USP49: variants seen among roughly 807,000 people sequenced by gnomAD.
USP49 encodes the protein ubiquitin carboxyl-terminal hydrolase 49.
In USP49, 24 loss-of-function variants were observed where a neutral mutation model predicts 58.6. The ratio of observed to expected loss-of-function variants is 0.41; its 90% CI spans 0.30 to 0.58. The LOEUF is 0.58. Among genes scored for constraint, USP49 ranks in the 20% least tolerant of loss-of-function variants. USP49 has a pLI of 0.30. For missense variants in USP49, 703 were observed against 866.1 expected (o/e 0.81, Z 2.36); for synonymous variants, 408 against 365.1 (o/e 1.12, Z -1.34).
Position 41,890,304 on chromosome 6 carries a change from G to C in USP49, c.-103+1490C>G, listed in dbSNP as rs565478286. The stretch of plus-strand genomic sequence containing the variant: ...TGAGGCAGGAGAATCGCTTGAACCT[G>C]GGAGGCGGAGGTTGTAGTGAGCCAA... On this transcript the variant is annotated intron_variant, in intron 2 of 7. Transcript: ENST00000682992. 3.9e-5 allele frequency among the ~76,000 whole-genome samples: 6 copies of C among 151,950 alleles called. No homozygotes were observed. The South Asian group carries it at 8.3e-4, about 21-fold the overall frequency.
intron 3 of USP49, among the ~76,000 whole-genome samples, chr6:41,835,404 A>G (rs1418449685): frequency 1.3e-5 from 2 of 152,186 alleles, no homozygotes; most frequent in African/African-American, 4.8e-5. Context: ...AAGTAAACAC[A>G]ACTGTTATTT....
At chr6:41,840,122 C>T (rs1773797705) in intron 3 of USP49, among the ~76,000 whole-genome samples, 2 of 151,496 alleles carry the variant, frequency 1.3e-5, no homozygotes, top group Admixed American at 1.3e-4. Flanking sequence ...TGCCTGTAAT[C>T]CCAGCACTTT....
At chr6:41,886,227 T>A (rs1210909658) in intron 2 of USP49, among the ~76,000 whole-genome samples, 1 of 152,184 alleles carries the variant, frequency 6.6e-6, no homozygotes, top group Admixed American at 6.5e-5. Flanking sequence ...AAAGGAGAGT[T>A]AAAGATGTAA....
intron 3 of USP49, among the ~76,000 whole-genome samples, chr6:41,844,420 C>A (rs112499751): frequency 0.14 from 21,362 of 151,624 alleles, 1,570 homozygotes; most frequent in East Asian, 0.24. Flanking sequence ...CAGGTTCAAG[C>A]GATTCTCTTC....
intron 2 of USP49, among the ~76,000 whole-genome samples, chr6:41,879,176 C>CTTGAGGCCAGCAGT (rs1360540798): frequency 2.0e-5 from 3 of 152,170 alleles, no homozygotes; most frequent in Admixed American, 6.6e-5. Context: ...GGGAGGACTG[C>CTTGAGGCCAGCAGT]TTGAGGCCAG....
chr6:41,836,582 A>G (rs1395116468), intron 3 of USP49, among the ~76,000 whole-genome samples: 10 of 152,200 alleles, frequency 6.6e-5, no homozygotes, highest in Admixed American at 6.5e-4. Context: ...AAGTCAAACT[A>G]TATTTGCAGA....
At chr6:41,810,450 T>G (rs1773236378) in intron 3 of USP49, among the ~76,000 whole-genome samples, 1 of 150,352 alleles carries the variant, frequency 6.7e-6, no homozygotes. Flanking sequence ...GATTGTGCCA[T>G]CGCACTCCAG....
At chr6:41,830,774 G>GATCGC (rs1221319354) in intron 3 of USP49, among the ~76,000 whole-genome samples, 2 of 151,732 alleles carry the variant, frequency 1.3e-5, no homozygotes, top group Non-Finnish European at 2.9e-5. Flanking sequence ...AGTGAGCCAA[G>GATCGC]ATCGCACCAC....
intron 3 of USP49, among the ~76,000 whole-genome samples, chr6:41,835,469 T>A (rs1773707942): frequency 6.6e-6 from 1 of 152,140 alleles, no homozygotes; most frequent in South Asian, 2.1e-4. Flanking sequence ...ATCCCAGCAC[T>A]TTGGGAGGCC....
At chr6:41,832,040 C>A (rs1425903787) in intron 3 of USP49, among the ~76,000 whole-genome samples, 1 of 152,198 alleles carries the variant, frequency 6.6e-6, no homozygotes, top group African/African-American at 2.4e-5. Flanking sequence ...AAGAACACCT[C>A]ATTGTTCACA....
At chr6:41,845,291 A>C (rs1773902954) in intron 3 of USP49, among the ~76,000 whole-genome samples, 1 of 152,038 alleles carries the variant, frequency 6.6e-6, no homozygotes. Context: ...TACTCCCAGC[A>C]CTTTGGGAGG....
At chr6:41,829,773 A>G (rs965036674) in intron 3 of USP49, among the ~76,000 whole-genome samples, 1 of 152,212 alleles carries the variant, frequency 6.6e-6, no homozygotes, top group Non-Finnish European at 1.5e-5. Context: ...GAGAGGGAAC[A>G]GGTCTGTAGT....
chr6:41,853,137 GA>G (rs941081223), intron 3 of USP49, among the ~76,000 whole-genome samples: 1 of 152,156 alleles, frequency 6.6e-6, no homozygotes, highest in African/African-American at 2.4e-5. Flanking sequence ...AATGAGCCGA[GA>G]TGGCGCCATT....
chr6:41,804,739 G>GT (rs1007389898), intron 4 of USP49, among the ~76,000 whole-genome samples: 1 of 151,630 alleles, frequency 6.6e-6, no homozygotes, highest in Non-Finnish European at 1.5e-5. Context: ...CCCCCACCAC[G>GT]TTTTTTTGTT....
intron 3 of USP49, among the ~76,000 whole-genome samples, chr6:41,852,241 C>G (rs1376511774): frequency 6.6e-6 from 1 of 152,118 alleles, no homozygotes; most frequent in Admixed American, 6.6e-5. Context: ...AGGAGAATTA[C>G]TTGAACCCAG....
intron 3 of USP49, among the ~76,000 whole-genome samples, chr6:41,834,455 A>G (rs925872935): frequency 2.0e-5 from 3 of 152,176 alleles, no homozygotes; most frequent in African/African-American, 7.2e-5. Context: ...AGGGTAAATG[A>G]TATGGTTTGG....
intron 3 of USP49, among the ~76,000 whole-genome samples, chr6:41,854,037 C>A (rs1258425677): frequency 1.4e-5 from 2 of 145,166 alleles, no homozygotes; most frequent in Non-Finnish European, 3.0e-5. Context: ...GCAGGGTAGG[C>A]CAGGAGGGGT....
At chr6:41,801,016 G>C (rs73424044) in intron 5 of USP49, among the ~76,000 whole-genome samples, 262 of 152,302 alleles carry the variant, frequency 1.7e-3, no homozygotes, top group African/African-American at 5.8e-3. Flanking sequence ...TGCATTTCTC[G>C]AAGTCCTGGC....
At chr6:41,885,542 C>T (rs974784918) in intron 2 of USP49, among the ~76,000 whole-genome samples, 4 of 152,232 alleles carry the variant, frequency 2.6e-5, no homozygotes, top group Middle Eastern at 6.8e-3. Context: ...TAACCTTGAA[C>T]TCCTGGGCTC....
Sources: allele counts gnomAD v4.1 joint callset (sites outside exome capture counted in the v4.1 genomes callset), GRCh38; gene constraint gnomAD v4.1.1; transcripts MANE v1.5; gene names NCBI Gene and HGNC (gene_info 2026-07-23, HGNC 2026-07-21).